The following CMSS1 variants were observed in gnomAD, a reference collection of about 807,000 sequenced individuals.
CMSS1 encodes the protein protein CMSS1.
Under a neutral mutation model 43.5 loss-of-function variants are expected in CMSS1, and 33 were observed. That is an observed-to-expected ratio of 0.76 (90% confidence interval 0.57 to 1.01). The LOEUF (loss-of-function observed/expected upper bound fraction) is 1.01, where lower values mean the gene tolerates loss of function less well. Among genes scored for constraint, CMSS1 ranks in the 50% least tolerant of loss-of-function variants. The probability of loss-of-function intolerance (pLI) is 0.00; values close to 1 mark genes in which losing one functional copy is unlikely to be tolerated. For synonymous variants in CMSS1, 115 were observed against 117.2 expected, an observed-to-expected ratio of 0.98 and a Z score of 0.12; for missense variants, 313 against 326.4, an observed-to-expected ratio of 0.96 and a Z score of 0.32.
chr3:100,143,702 T>C (rs2066823163), intron 1 of CMSS1, among the ~76,000 whole-genome samples: 1 of 152,210 alleles, frequency 6.6e-6, no homozygotes, highest in Non-Finnish European at 1.5e-5. Flanking sequence ...TACTAGTTTT[T>C]ACTTTGCATG....
intron 1 of CMSS1, among the ~76,000 whole-genome samples, chr3:99,867,469 T>C (rs899217972): frequency 6.6e-6 from 1 of 152,154 alleles, no homozygotes; most frequent in Non-Finnish European, 1.5e-5. Context: ...CTTTTTAAAG[T>C]TTACTAATTC....
rs147841880 is a variant in CMSS1 at position 100,141,386 on chromosome 3, A to G, written c.65-5587A>G. ...TCCCCAAAAATGCTCCCAGCCATCC[A>G]GCACTACTCCCTGGGAGATACGTGG... is the stretch of plus-strand genomic sequence containing the variant. On this transcript the variant is annotated intron_variant, in intron 1 of 9. Coordinates refer to ENST00000421999, the MANE Select transcript of CMSS1 (RefSeq NM_032359.4). 1.8e-5 allele frequency: 5 copies of G among 271,392 alleles called. No homozygotes were observed. In the South Asian group the frequency reaches 1.9e-4, roughly 10 times the overall value. 16.8% of individuals were successfully genotyped at this position (271,392 alleles called of 1,614,324 possible).
chr3:100,158,197 G>C (rs1387700632), intron 2 of CMSS1, among the ~76,000 whole-genome samples: 5 of 152,182 alleles, frequency 3.3e-5, no homozygotes. Flanking sequence ...GTGTAACCAG[G>C]AGAATCATTC....
At chr3:99,975,919 C>G (rs529487445) in intron 1 of CMSS1, among the ~76,000 whole-genome samples, 4 of 152,310 alleles carry the variant, frequency 2.6e-5, no homozygotes, top group African/African-American at 2.4e-5. Flanking sequence ...GAGTCACGCT[C>G]TGTTGTCCAG....
intron 1 of CMSS1, among the ~76,000 whole-genome samples, chr3:100,073,983 TCCTTC>T (rs140562367): frequency 0.013 from 2,036 of 152,332 alleles, 37 homozygotes; most frequent in African/African-American, 0.043. Context: ...GCCATGGTTC[TCCTTC>T]CCTTTTTTCA....
intron 1 of CMSS1, among the ~76,000 whole-genome samples, chr3:100,106,219 A>G (rs574682565): frequency 6.6e-6 from 1 of 152,280 alleles, no homozygotes; most frequent in East Asian, 1.9e-4. Flanking sequence ...TACAGCCAGG[A>G]TACCATTATG....
intron 1 of CMSS1, among the ~76,000 whole-genome samples, chr3:100,038,871 A>T (rs2065154740): frequency 6.6e-6 from 1 of 152,144 alleles, no homozygotes; most frequent in Non-Finnish European, 1.5e-5. Flanking sequence ...AGTACAGAAC[A>T]TATTGTCTAT....
intron 1 of CMSS1, 70 bp downstream of exon 1, chr3:99,818,113 G>T: frequency 2.0e-6 from 3 of 1,474,430 alleles, no homozygotes; most frequent in South Asian, 1.2e-5. Context: ...AGCCCTGGTC[G>T]CTTCTGGCGA....
intron 1 of CMSS1, among the ~76,000 whole-genome samples, chr3:99,875,736 A>G (rs1705478590): frequency 1.3e-5 from 2 of 152,152 alleles, no homozygotes; most frequent in Non-Finnish European, 2.9e-5. Context: ...GCTGCAGTAC[A>G]ATATAGTCTC....
intron 1 of CMSS1, chr3:99,850,570 A>G (rs1486389461): frequency 6.2e-7 from 1 of 1,613,766 alleles, no homozygotes; most frequent in Admixed American, 1.7e-5. Context: ...CACTTCAGCC[A>G]TGATACCAGC....
At chr3:99,866,434 T>C (rs2107570158) in intron 1 of CMSS1, among the ~76,000 whole-genome samples, 1 of 152,278 alleles carries the variant, frequency 6.6e-6, no homozygotes, top group East Asian at 1.9e-4. Context: ...CAGATGCCTA[T>C]GTTTTACTGT....
intron 1 of CMSS1, among the ~76,000 whole-genome samples, chr3:99,988,298 C>G (rs1709406433): frequency 6.8e-6 from 1 of 146,526 alleles, no homozygotes; most frequent in Non-Finnish European, 1.5e-5. Context: ...GAGATGGAGA[C>G]CATCCTGGTT....
chr3:99,894,152 T>C (rs955121257), intron 1 of CMSS1, among the ~76,000 whole-genome samples: 1 of 152,220 alleles, frequency 6.6e-6, no homozygotes, highest in Non-Finnish European at 1.5e-5. Context: ...CAATTACAGC[T>C]AGGAGTTGGT....
chr3:100,115,004 TTTATTA>T (rs990896485), intron 1 of CMSS1: 1 of 1,501,220 alleles, frequency 6.7e-7, no homozygotes. Flanking sequence ...TGGTGGTATG[TTTATTA>T]TTATTATTTG....
At chr3:99,932,086 A>C (rs187510676) in intron 1 of CMSS1, among the ~76,000 whole-genome samples, 1 of 152,336 alleles carries the variant, frequency 6.6e-6, no homozygotes, top group African/African-American at 2.4e-5. Flanking sequence ...CAAATTTATA[A>C]AATTTTAATA....
Position 100,123,262 on chromosome 3 carries a change from C to G in CMSS1, c.65-23711C>G, listed in dbSNP as rs149352169. ...GATGTGAAGGAGCTAGAGGAGGAAG[C>G]GTTCAGGTCTGAGAACAATAGGTGT... On this transcript the variant is annotated intron_variant, in intron 1 of 9. Coordinates refer to ENST00000421999, the MANE Select transcript of CMSS1 (RefSeq NM_032359.4). Among the ~76,000 whole-genome samples, 539 of 152,218 alleles carry G rather than the reference C, an allele frequency of 3.5e-3. 2 individuals are homozygous for G. The highest frequency in any genetic ancestry group is 0.012 in the African/African-American group (512 of 41,520).
intron 1 of CMSS1, among the ~76,000 whole-genome samples, chr3:99,981,785 G>A (rs1481932846): frequency 2.6e-5 from 4 of 152,122 alleles, no homozygotes; most frequent in Non-Finnish European, 5.9e-5. Context: ...ATATGTATAG[G>A]TGTTTATTCA....
chr3:100,039,363 AGAT>A, intron 1 of CMSS1, among the ~76,000 whole-genome samples: 1 of 152,376 alleles, frequency 6.6e-6, no homozygotes, highest in East Asian at 1.9e-4. Flanking sequence ...ATCAAAGAGC[AGAT>A]GAAATATAAT....
In CMSS1 at chr3:99,977,452, G is replaced by A. The variant is rs888096146; in HGVS notation, c.64+159409G>A. On this transcript the variant is annotated intron_variant, in intron 1 of 9. Coordinates refer to ENST00000421999, the MANE Select transcript of CMSS1 (RefSeq NM_032359.4). The stretch of plus-strand genomic sequence containing the variant: ...CTGGGGGCCTATGGGCAATAGAAGT[G>A]GAGTCAGAGTTGGATAGAGTAGCTA... Among the ~76,000 whole-genome samples, 3 of 152,222 alleles carry A rather than the reference G, an allele frequency of 2.0e-5. No homozygotes were observed. In the East Asian group the frequency reaches 5.8e-4, roughly 29 times the overall value.
Sources: gnomAD v4.1 joint callset for allele counts (sites outside exome capture counted in the v4.1 genomes callset) on GRCh38, gnomAD v4.1.1 for gene constraint, MANE v1.5 for transcripts, NCBI Gene and HGNC (gene_info 2026-07-23, HGNC 2026-07-21) for gene names.